The following PRKDC variants were observed in gnomAD, a reference collection of about 807,000 sequenced individuals.
PRKDC encodes DNA-dependent protein kinase catalytic subunit.
A neutral mutation model predicts 486.9 loss-of-function variants in PRKDC; 82 were observed. The ratio of observed to expected loss-of-function variants is 0.17; its 90% CI spans 0.14 to 0.20. The LOEUF is 0.20. Among genes scored for constraint, PRKDC ranks in the 10% least tolerant of loss-of-function variants. PRKDC has a pLI of 1.00. For missense variants in PRKDC, 4,504 were observed against 5,038.2 expected (o/e 0.89, Z 3.21); for synonymous variants, 1,895 against 1,837.0 (o/e 1.03, Z -0.81).
intron 40 of PRKDC, among the ~76,000 whole-genome samples, chr8:47,872,731 G>A (rs1423511270): frequency 6.6e-6 from 1 of 152,124 alleles, no homozygotes; most frequent in African/African-American, 2.4e-5. Flanking sequence ...AATTCAGCAA[G>A]AGGATATAAC....
chr8:47,834,102 G>T, intron 59 of PRKDC, 94 bp downstream of exon 59: 1 of 1,465,530 alleles, frequency 6.8e-7, no homozygotes, highest in Non-Finnish European at 9.5e-7. Flanking sequence ...GAATGAGAAG[G>T]AAACATGGAT....
intron 17 of PRKDC, among the ~76,000 whole-genome samples, chr8:47,930,309 G>A (rs1372149374): frequency 1.3e-5 from 2 of 152,104 alleles, no homozygotes; most frequent in African/African-American, 2.4e-5. Flanking sequence ...GTCTCGCTCC[G>A]TTGCTCAGGC....
chr8:47,812,658 T>G (rs1052896577), intron 68 of PRKDC, among the ~76,000 whole-genome samples: 8 of 151,338 alleles, frequency 5.3e-5, no homozygotes, highest in African/African-American at 1.9e-4. Flanking sequence ...AGGTATAAAA[T>G]CAACAGTTTC....
intron 68 of PRKDC, among the ~76,000 whole-genome samples, chr8:47,815,477 G>C (rs1190002945): frequency 6.6e-6 from 1 of 152,104 alleles, no homozygotes; most frequent in Non-Finnish European, 1.5e-5. Context: ...ATTTCTAAAA[G>C]AAAACAGTAG....
intron 65 of PRKDC, 147 bp from the exon 66 acceptor site, chr8:47,821,090 C>T: frequency 2.0e-6 from 1 of 511,400 alleles, no homozygotes; most frequent in Non-Finnish European, 3.2e-6. Flanking sequence ...AACAGTAAAC[C>T]TCCAATTTTT....
At chr8:47,908,446 A>G (rs1007042089) in intron 25 of PRKDC, among the ~76,000 whole-genome samples, 1 of 152,234 alleles carries the variant, frequency 6.6e-6, no homozygotes, top group Non-Finnish European at 1.5e-5. Context: ...GGTCAAAACT[A>G]TCAATACATT....
intron 20 of PRKDC, 148 bp downstream of exon 20, chr8:47,927,623 G>A (rs1404369007): frequency 1.8e-6 from 2 of 1,098,316 alleles, no homozygotes; most frequent in African/African-American, 3.2e-5. Flanking sequence ...AAGTCCCAAA[G>A]CCAGTAAGTG....
chr8:47,835,620 C>CAAAAA lies in PRKDC; in HGVS notation c.7951+713_7951+717dup, dbSNP rs71548446. Among the ~76,000 whole-genome samples, 99 of 20,476 alleles carry CAAAAA rather than the reference C, an allele frequency of 4.8e-3. 12 individuals carry two copies. Among genetic ancestry groups the CAAAAA allele is most frequent in the African/African-American group, 0.013 (80 of 5,932 alleles). 13.4% of individuals were successfully genotyped at this position (20,476 alleles called of 152,430 possible). A position where few individuals can be genotyped will look rare whatever the true frequency, so the allele number is the denominator to read the frequency against. Reference sequence around the variant, plus strand: ...CTGGTGACAGAGCAGGACTCTGTCTCAAAAAAAAAAAAAAAAAAAAAAAAA... The same window carrying CAAAAA: ...CTGGTGACAGAGCAGGACTCTGTCTCAAAAAAAAAAAAAAAAAAAAAAAAAAAAAA... On this transcript the variant is annotated intron_variant, in intron 58 of 85. Transcript: ENST00000314191.
chr8:47,959,513 C>T (rs1205442729), intron 1 of PRKDC, among the ~76,000 whole-genome samples: 1 of 151,852 alleles, frequency 6.6e-6, no homozygotes, highest in East Asian at 1.9e-4. Flanking sequence ...CCCATCTCTA[C>T]TAAAAATACA....
At chr8:47,844,304 C>T (rs2088218587) in intron 54 of PRKDC, among the ~76,000 whole-genome samples, 1 of 152,166 alleles carries the variant, frequency 6.6e-6, no homozygotes, top group Non-Finnish European at 1.5e-5. Context: ...CAAAAAAGGA[C>T]ATTACATAAT....
At chr8:47,814,895 G>T (rs2087410890) in intron 68 of PRKDC, among the ~76,000 whole-genome samples, 1 of 152,166 alleles carries the variant, frequency 6.6e-6, no homozygotes, top group Admixed American at 6.5e-5. Flanking sequence ...AGGTGCCATG[G>T]TTCATGCCTG....
intron 54 of PRKDC, among the ~76,000 whole-genome samples, chr8:47,843,120 G>C (rs551318556): frequency 6.6e-6 from 1 of 152,268 alleles, no homozygotes; most frequent in Admixed American, 6.5e-5. Context: ...GTAAGTCACG[G>C]CCACAACCAC....
rs148940439 is a variant in PRKDC, at chr8:47,937,333, A to G, written c.1114-816T>C. Among the ~76,000 whole-genome samples the G allele has an allele frequency of 7.9e-4, 121 of 152,330 alleles. No homozygotes were observed. In the Middle Eastern group the frequency reaches 0.01, roughly 13 times the overall value. On this transcript the variant is annotated intron_variant, in intron 11 of 85. Coordinates refer to ENST00000314191, the MANE Select transcript of PRKDC (RefSeq NM_006904.7). ...ATAATAATCTGTAACCACATTTTAA[A>G]TATTTATTCACACAGGAAGCATTTA...
At chr8:47,785,967 G>A (rs554540061) in intron 76 of PRKDC, among the ~76,000 whole-genome samples, 2 of 151,954 alleles carry the variant, frequency 1.3e-5, no homozygotes, top group African/African-American at 4.8e-5. Flanking sequence ...TTAGTCGGGT[G>A]TGGTGGCTCA....
At chr8:47,950,504 C>T (rs1243479148) in intron 7 of PRKDC, among the ~76,000 whole-genome samples, 1 of 151,636 alleles carries the variant, frequency 6.6e-6, no homozygotes, top group East Asian at 1.9e-4. Flanking sequence ...TGGCGGGTGC[C>T]TGTAGTCCCA....
At chr8:47,846,231 C>T (rs1334275213) in intron 54 of PRKDC, among the ~76,000 whole-genome samples, 1 of 151,998 alleles carries the variant, frequency 6.6e-6, no homozygotes, top group Non-Finnish European at 1.5e-5. Context: ...GCCTGGTCAA[C>T]ATGATAAAAC....
chr8:47,779,901 T>C (rs1018759753), intron 80 of PRKDC, among the ~76,000 whole-genome samples: 9 of 144,336 alleles, frequency 6.2e-5, no homozygotes, highest in African/African-American at 2.4e-4. Context: ...TTTTCTTTTG[T>C]TTTGTTTTGT....
At chr8:47,873,600 T>G (rs776255533) in intron 40 of PRKDC, among the ~76,000 whole-genome samples, 2 of 152,102 alleles carry the variant, frequency 1.3e-5, no homozygotes, top group Admixed American at 6.5e-5. Flanking sequence ...CAGCCAAAAC[T>G]TGGAAGCAAC....
rs1054859383 is a variant in PRKDC, at chr8:47,837,432, G to C, written c.7554-13C>G. On this transcript the variant is annotated splice_polypyrimidine_tract_variant and intron_variant, in intron 56 of 85. Transcript: ENST00000314191. ...TCGAATAATTAATCTGAAAAGCAAAGAGAAAAAAGTATATTGCTTAGACAA... is the reference window on the plus strand; with the variant it reads ...TCGAATAATTAATCTGAAAAGCAAACAGAAAAAAGTATATTGCTTAGACAA... 4 of 1,569,446 alleles carry C rather than the reference G, an allele frequency of 2.5e-6. No homozygotes were observed. Among genetic ancestry groups the C allele is most frequent in the Non-Finnish European group, 3.5e-6 (4 of 1,141,800 alleles).
Sources: gnomAD v4.1 joint callset for allele counts (sites outside exome capture counted in the v4.1 genomes callset) on GRCh38, gnomAD v4.1.1 for gene constraint, MANE v1.5 for transcripts, NCBI Gene and HGNC (gene_info 2026-07-23, HGNC 2026-07-21) for gene names.